CRIM1: variants seen among roughly 807,000 people sequenced by gnomAD.
CRIM1 encodes cysteine rich transmembrane BMP regulator 1.
In CRIM1, 32 loss-of-function variants were observed where a neutral mutation model predicts 116.4. The observed-to-expected ratio is 0.27, with a 90% CI of 0.21 to 0.37. The LOEUF (loss-of-function observed/expected upper bound fraction) is 0.37, where lower values mean the gene tolerates loss of function less well. CRIM1 is among the 10% of genes least tolerant of loss of function. CRIM1 has a pLI of 1.00. For synonymous variants in CRIM1, 590 were observed against 509.2 expected (o/e 1.16, Z -2.13); for missense variants, 1,331 against 1,354.8 (o/e 0.98, Z 0.28).
rs1267147645 is a variant in CRIM1 at position 36,441,499 on chromosome 2, A to G, written c.747A>G (p.Pro249=). The change falls in exon 3 of 17, where the codon CCA becomes CCG. Residue 249 remains proline (P), a splice_region_variant and synonymous_variant. Coordinates refer to ENST00000280527, the MANE Select transcript of CRIM1 (RefSeq NM_016441.3). ...GCTGTGACCTCTATGAGTGCAAACC[A>G]GGTATGCACGAGCTCTGTCTCAGCA... is the stretch of plus-strand genomic sequence containing the variant. The part of the protein sequence containing the change: ...GECCDLYECK[P]VFGVDCRTVE... 6.2e-7 allele frequency: 1 copy of G among 1,608,846 alleles called. No individual in the cohort carries two copies. The highest frequency in any genetic ancestry group is 1.1e-5 in the South Asian group (1 of 91,072).
chr2:36,496,083 G>C (rs529604767), intron 7 of CRIM1, among the ~76,000 whole-genome samples: 1 of 152,186 alleles, frequency 6.6e-6, no homozygotes, highest in Non-Finnish European at 1.5e-5. Flanking sequence ...CAACTCAACA[G>C]TTACTCCAAT....
chr2:36,530,988 G>A (rs955831916), intron 13 of CRIM1, among the ~76,000 whole-genome samples: 5 of 152,150 alleles, frequency 3.3e-5, no homozygotes, highest in Admixed American at 6.5e-5. Flanking sequence ...GATGACACTC[G>A]GGGGGCCTTG....
intron 4 of CRIM1, among the ~76,000 whole-genome samples, chr2:36,461,809 A>G (rs145789103): frequency 0.034 from 5,170 of 152,242 alleles, 143 homozygotes; most frequent in African/African-American, 0.067. Context: ...AAAATAAGGA[A>G]TTGCTATTTG....
chr2:36,469,141 G>A lies in CRIM1; in HGVS notation c.991+4486G>A, dbSNP rs1678286721. 2.6e-5 allele frequency among the ~76,000 whole-genome samples: 4 copies of A among 152,130 alleles called. No homozygotes were observed. The South Asian group carries it at 8.3e-4, about 32-fold the overall frequency. On this transcript the variant is annotated intron_variant, in intron 5 of 16. Transcript: ENST00000280527. ...AGCCCCCATTCACAGCTCTAAACAA[G>A]TCATCAGCACAAAAGAGGAAGAGTA...
intron 8 of CRIM1, among the ~76,000 whole-genome samples, chr2:36,508,381 TATTC>T (rs1681577604): frequency 6.6e-6 from 1 of 152,228 alleles, no homozygotes; most frequent in Non-Finnish European, 1.5e-5. Flanking sequence ...CCATTTCACC[TATTC>T]ATTGTAGTTA....
At chr2:36,381,517 A>G (rs900160984) in intron 1 of CRIM1, among the ~76,000 whole-genome samples, 4 of 152,222 alleles carry the variant, frequency 2.6e-5, no homozygotes, top group Non-Finnish European at 5.9e-5. Flanking sequence ...CAATTGTAGT[A>G]GGAGAGGACA....
intron 6 of CRIM1, among the ~76,000 whole-genome samples, chr2:36,478,725 T>G (rs1679178376): frequency 6.6e-6 from 1 of 152,202 alleles, no homozygotes; most frequent in Non-Finnish European, 1.5e-5. Flanking sequence ...TGAAGCCAGT[T>G]TTTTATGTAT....
chr2:36,454,677 C>T (rs552532428), intron 4 of CRIM1, among the ~76,000 whole-genome samples: 1 of 152,146 alleles, frequency 6.6e-6, no homozygotes, highest in Non-Finnish European at 1.5e-5. Context: ...TTAAATTAGT[C>T]ACTGATATTT....
intron 1 of CRIM1, among the ~76,000 whole-genome samples, chr2:36,383,851 G>A (rs1670969761): frequency 6.6e-6 from 1 of 152,180 alleles, no homozygotes; most frequent in Admixed American, 6.5e-5. Context: ...AAGGCCCATT[G>A]GAGTGAACAT....
At position 36,547,119 on chromosome 2, in the gene CRIM1, A is replaced by G. The variant is rs1439857960; in HGVS notation, c.2882A>G (p.Asn961Ser). The change falls in exon 16 of 17, where the codon AAT becomes AGT. Residue 961 changes from asparagine to serine, a missense_variant. This residue lies in a region of CRIM1 where 283 missense variants were observed against 242.8 expected (regional missense o/e 1.17). Coordinates refer to ENST00000280527, the MANE Select transcript of CRIM1 (RefSeq NM_016441.3). ...LSIIIAFLFINQKKQWIPLLC... is the reference protein window; with the variant it reads ...LSIIIAFLFISQKKQWIPLLC... ...ATTATAATAGCATTCCTATTCATCA[A>G]TCAGAAGAAACAGTGGATACCACTG... 3 of 1,613,200 alleles carry G rather than the reference A, an allele frequency of 1.9e-6. No individual in the cohort carries two copies. Among genetic ancestry groups the G allele is most frequent in the Non-Finnish European group, 2.5e-6 (3 of 1,179,466 alleles).
intron 13 of CRIM1, chr2:36,529,021 T>G (rs1256074273): frequency 2.3e-6 from 1 of 427,720 alleles, no homozygotes; most frequent in African/African-American, 2.1e-5. Context: ...CTAAGCTGCA[T>G]AGTCTTTAGG....
At chr2:36,532,490 G>T (rs912916858) in intron 13 of CRIM1, among the ~76,000 whole-genome samples, 2 of 152,156 alleles carry the variant, frequency 1.3e-5, no homozygotes, top group African/African-American at 4.8e-5. Flanking sequence ...TCCACTCCTT[G>T]ATAGCACTGT....
chr2:36,414,506 C>A (rs1033829395), intron 2 of CRIM1, among the ~76,000 whole-genome samples: 3 of 152,298 alleles, frequency 2.0e-5, no homozygotes, highest in Non-Finnish European at 2.9e-5. Context: ...CTAGTCCCCC[C>A]CCGAGCTTTC....
chr2:36,510,979 G>A (rs1466799330), intron 9 of CRIM1, among the ~76,000 whole-genome samples: 1 of 142,424 alleles, frequency 7.0e-6, no homozygotes, highest in Non-Finnish European at 1.5e-5. Context: ...AGGCCGTAGT[G>A]CAGTGGCACA....
chr2:36,397,036 TG>T (rs1238631794), intron 2 of CRIM1, among the ~76,000 whole-genome samples: 1 of 152,188 alleles, frequency 6.6e-6, no homozygotes. Context: ...AGGCCACCTC[TG>T]CATAATGGAT....
chr2:36,390,960 C>T lies in CRIM1; in HGVS notation c.332-5654C>T, dbSNP rs190126453. 2.6e-4 allele frequency among the ~76,000 whole-genome samples: 40 copies of T among 151,982 alleles called. No individual in the cohort carries two copies. In the East Asian group the frequency reaches 5.6e-3, roughly 21 times the overall value. On this transcript the variant is annotated intron_variant, in intron 1 of 16. Transcript: ENST00000280527. ...AATTAGCTGGGATTACAGGCATGCG[C>T]CACCATACCCGGCTAATTTTTGTGT...
chr2:36,435,364 CAGAG>C (rs911239412), intron 2 of CRIM1, among the ~76,000 whole-genome samples: 15 of 150,902 alleles, frequency 9.9e-5, no homozygotes, highest in African/African-American at 2.7e-4. Context: ...GAGAGAGAGA[CAGAG>C]AGAGAGAATG....
At chr2:36,454,707 G>A (rs376055068) in intron 4 of CRIM1, among the ~76,000 whole-genome samples, 5 of 152,044 alleles carry the variant, frequency 3.3e-5, no homozygotes, top group Non-Finnish European at 7.4e-5. Flanking sequence ...CATACTTCAC[G>A]TAAAAATCTG....
intron 7 of CRIM1, among the ~76,000 whole-genome samples, chr2:36,498,368 G>A (rs904856300): frequency 2.6e-5 from 4 of 152,140 alleles, no homozygotes; most frequent in Non-Finnish European, 5.9e-5. Flanking sequence ...CAGTGTGCTA[G>A]ATTTCCTCAT....
Sources: allele counts gnomAD v4.1 joint callset (sites outside exome capture counted in the v4.1 genomes callset), GRCh38; gene constraint gnomAD v4.1.1; regional missense constraint gnomAD v4.1.1; transcripts MANE v1.5; gene names NCBI Gene and HGNC (gene_info 2026-07-23, HGNC 2026-07-21).